The following MRPS6 variants were observed in gnomAD, a reference collection of about 807,000 sequenced individuals.
The protein encoded by MRPS6 is mitochondrial ribosomal protein S6.
In MRPS6, 6 loss-of-function variants were observed where a neutral mutation model predicts 13.1. The observed-to-expected ratio is 0.46, with a 90% confidence interval of 0.25 to 0.91. The LOEUF (loss-of-function observed/expected upper bound fraction) is 0.91. Among genes scored for constraint, MRPS6 ranks in the 40% least tolerant of loss-of-function variants. The probability of loss-of-function intolerance (pLI) is 0.18; values close to 1 mark genes in which losing one functional copy is unlikely to be tolerated. For synonymous variants in MRPS6, 61 were observed against 56.5 expected (o/e 1.08, Z -0.36); for missense variants, 164 against 155.6 (o/e 1.05, Z -0.29).
chr21:34,097,905 C>G (rs1979046422), intron 1 of MRPS6: 1 of 996,724 alleles, frequency 1.0e-6, no homozygotes, highest in Non-Finnish European at 1.2e-6. Context: ...CCTACGGATT[C>G]TGATTTCCCA....
intron 1 of MRPS6, among the ~76,000 whole-genome samples, chr21:34,115,776 G>C (rs1315268275): frequency 1.3e-5 from 2 of 152,014 alleles, no homozygotes; most frequent in Non-Finnish European, 2.9e-5. Context: ...AAAGAAGTTT[G>C]TCACTGAAAC....
chr21:34,086,988 A>G (rs542584645), intron 1 of MRPS6, among the ~76,000 whole-genome samples: 1 of 152,308 alleles, frequency 6.6e-6, no homozygotes, highest in South Asian at 2.1e-4. Context: ...ATCACTGCAC[A>G]CTAAGAGGTG....
At chr21:34,108,334 C>T (rs1362342810) in intron 1 of MRPS6, among the ~76,000 whole-genome samples, 3 of 152,126 alleles carry the variant, frequency 2.0e-5, no homozygotes, top group Non-Finnish European at 4.4e-5. Context: ...AAGTACTTGT[C>T]GTTGTGCGGT....
At chr21:34,132,182 G>T (rs900521117) in intron 2 of MRPS6, among the ~76,000 whole-genome samples, 1 of 152,182 alleles carries the variant, frequency 6.6e-6, no homozygotes, top group Non-Finnish European at 1.5e-5. Flanking sequence ...CCTGGGAGAA[G>T]AGGTCGGGAG....
At chr21:34,139,139 G>T (rs1026639950) in intron 2 of MRPS6, among the ~76,000 whole-genome samples, 3 of 135,094 alleles carry the variant, frequency 2.2e-5, no homozygotes, top group Admixed American at 8.7e-5. Flanking sequence ...TGAACATTGA[G>T]AACACATGGA....
intron 1 of MRPS6, among the ~76,000 whole-genome samples, chr21:34,081,612 C>A (rs1989460942): frequency 6.6e-6 from 1 of 152,090 alleles, no homozygotes; most frequent in African/African-American, 2.4e-5. Flanking sequence ...GATTGTAGCA[C>A]CTACTTCCTA....
At chr21:34,075,604 A>C (rs989998035) in intron 1 of MRPS6, among the ~76,000 whole-genome samples, 2 of 152,250 alleles carry the variant, frequency 1.3e-5, no homozygotes, top group African/African-American at 4.8e-5. Flanking sequence ...TCTTGGAGAA[A>C]GAGGCCCCAT....
chr21:34,084,601 A>G (rs1189102286), intron 1 of MRPS6, among the ~76,000 whole-genome samples: 4 of 152,178 alleles, frequency 2.6e-5, no homozygotes, highest in Admixed American at 6.5e-5. Context: ...CATATGTACA[A>G]TTCTCTTGAA....
At chr21:34,108,517 T>C (rs1979572816) in intron 1 of MRPS6, among the ~76,000 whole-genome samples, 2 of 152,226 alleles carry the variant, frequency 1.3e-5, no homozygotes, top group Non-Finnish European at 2.9e-5. Context: ...ATGTTCCTGT[T>C]GCTAACTGTG....
intron 1 of MRPS6, among the ~76,000 whole-genome samples, chr21:34,086,416 A>C (rs1472538361): frequency 3.3e-5 from 5 of 152,174 alleles, no homozygotes; most frequent in South Asian, 2.1e-4. Flanking sequence ...GCCTGGGTGC[A>C]TTACTTCAGG....
chr21:34,076,199 C>T (rs1043268967), intron 1 of MRPS6, among the ~76,000 whole-genome samples: 1 of 152,188 alleles, frequency 6.6e-6, no homozygotes, highest in Non-Finnish European at 1.5e-5. Context: ...GAGCTGCTCT[C>T]CTGTTTTTTC....
intron 1 of MRPS6, 113 bp downstream of exon 1, chr21:34,073,858 G>C (rs1256110084): frequency 3.6e-6 from 2 of 553,654 alleles, no homozygotes; most frequent in South Asian, 7.5e-5. Context: ...TGCACTCCTC[G>C]GAGGAGGCCG....
At chr21:34,090,424 A>T (rs1449936095) in intron 1 of MRPS6, among the ~76,000 whole-genome samples, 1 of 152,208 alleles carries the variant, frequency 6.6e-6, no homozygotes, top group African/African-American at 2.4e-5. Flanking sequence ...TTTTATATAC[A>T]TTTTTTCTTT....
intron 1 of MRPS6, chr21:34,106,096 A>G: frequency 2.0e-6 from 2 of 999,176 alleles, no homozygotes; most frequent in South Asian, 9.4e-5. Flanking sequence ...TTATTTTGCC[A>G]GCTGCTGCAT....
At chr21:34,108,675 T>G (rs1979579024) in intron 1 of MRPS6, among the ~76,000 whole-genome samples, 1 of 152,226 alleles carries the variant, frequency 6.6e-6, no homozygotes, top group Admixed American at 6.5e-5. Context: ...ACCTTAGAAT[T>G]AATTTTTGCA....
chr21:34,137,059 G>A (rs1980731220), intron 2 of MRPS6, among the ~76,000 whole-genome samples: 1 of 152,094 alleles, frequency 6.6e-6, no homozygotes. Flanking sequence ...ATATCATACT[G>A]TCTTGATGGC....
intron 1 of MRPS6, chr21:34,097,422 T>G: frequency 3.7e-6 from 5 of 1,356,862 alleles, no homozygotes; most frequent in Non-Finnish European, 3.8e-6. Context: ...AAAAGTTATG[T>G]AACTGTGCAT....
chr21:34,115,750 A>G (rs1449415738), intron 1 of MRPS6, among the ~76,000 whole-genome samples: 1 of 152,100 alleles, frequency 6.6e-6, no homozygotes, highest in Non-Finnish European at 1.5e-5. Flanking sequence ...TTAAAGGAAA[A>G]ATTGAATTTG....
At chr21:34,118,361 G>A (rs1980001984) in intron 1 of MRPS6, among the ~76,000 whole-genome samples, 1 of 151,656 alleles carries the variant, frequency 6.6e-6, no homozygotes, top group African/African-American at 2.4e-5. Context: ...CCAAAATGTT[G>A]TGACTCTTCA....
Sources: allele counts gnomAD v4.1 joint callset (sites outside exome capture counted in the v4.1 genomes callset), GRCh38; gene constraint gnomAD v4.1.1; transcripts MANE v1.5; gene names NCBI Gene and HGNC (gene_info 2026-07-23, HGNC 2026-07-21).